The following IQCM variants were observed in gnomAD, a reference collection of about 807,000 sequenced individuals.
The protein encoded by IQCM is IQ domain-containing protein M.
In IQCM, 45 loss-of-function variants were observed where a neutral mutation model predicts 57.6. That is an observed-to-expected ratio of 0.78 (90% CI 0.62 to 1.00). The LOEUF is 1.00. Among genes scored for constraint, IQCM ranks in the 50% least tolerant of loss-of-function variants. The pLI, the probability that IQCM is intolerant of heterozygous loss-of-function variation, is 0.00. For missense variants in IQCM, 468 were observed against 511.6 expected (o/e 0.91, Z 0.82); for synonymous variants, 148 against 158.9 (o/e 0.93, Z 0.51).
intron 13 of IQCM, among the ~76,000 whole-genome samples, chr4:149,414,942 T>C (rs1454791485): frequency 6.6e-6 from 1 of 152,038 alleles, no homozygotes; most frequent in Non-Finnish European, 1.5e-5. Context: ...TGAAGAAAAA[T>C]ACTTTGCATC....
At chr4:149,588,925 C>T (rs528081497) in intron 8 of IQCM, among the ~76,000 whole-genome samples, 63 of 151,998 alleles carry the variant, frequency 4.1e-4, no homozygotes, top group South Asian at 2.5e-3. Flanking sequence ...ATAAACCTGG[C>T]ATAATATACC....
At chr4:149,650,421 T>C (rs896135617) in intron 7 of IQCM, among the ~76,000 whole-genome samples, 30 of 140,862 alleles carry the variant, frequency 2.1e-4, no homozygotes, top group African/African-American at 6.7e-4. Flanking sequence ...TTTTTTTTTT[T>C]TGACTCTGTC....
At chr4:149,463,898 G>T (rs1326313117) in intron 12 of IQCM, among the ~76,000 whole-genome samples, 4 of 152,108 alleles carry the variant, frequency 2.6e-5, no homozygotes, top group Non-Finnish European at 5.9e-5. Flanking sequence ...TTATAAAAAT[G>T]TTCAGAAGTA....
chr4:149,728,811 C>T (rs2149877116), intron 5 of IQCM, among the ~76,000 whole-genome samples: 1 of 152,262 alleles, frequency 6.6e-6, no homozygotes, highest in South Asian at 2.1e-4. Context: ...CTTTACAGAA[C>T]ACACCTTTCC....
At chr4:149,614,435 T>C (rs183408896) in intron 8 of IQCM, among the ~76,000 whole-genome samples, 1 of 152,282 alleles carries the variant, frequency 6.6e-6, no homozygotes, top group Non-Finnish European at 1.5e-5. Context: ...TAGCATGCTG[T>C]GCTTTTGCCA....
chr4:149,712,395 G>A (rs1764638594), intron 5 of IQCM, among the ~76,000 whole-genome samples: 1 of 151,784 alleles, frequency 6.6e-6, no homozygotes, highest in South Asian at 2.1e-4. Context: ...ACAGTCTTCT[G>A]ATATAACTCA....
In IQCM at chr4:149,778,146, G is replaced by T. The variant is rs187018046; in HGVS notation, c.-48-35407C>A. ...AATCCCAGCACTTTGGGAGGCCAAG[G>T]CGGGTGGATCACGAGGTCAGGAGAT... On this transcript the variant is annotated intron_variant, in intron 2 of 13. Transcript: ENST00000636793. 4.4e-3 allele frequency among the ~76,000 whole-genome samples: 672 copies of T among 152,346 alleles called. 5 individuals are homozygous for T. The highest frequency in any genetic ancestry group is 0.015 in the African/African-American group (640 of 41,580).
At chr4:149,440,438 C>G (rs1037977722) in intron 12 of IQCM, among the ~76,000 whole-genome samples, 1 of 151,832 alleles carries the variant, frequency 6.6e-6, no homozygotes, top group African/African-American at 2.4e-5. Flanking sequence ...GTATTTTGAG[C>G]TAAACATTGC....
At chr4:149,679,530 G>C (rs987335106) in intron 7 of IQCM, among the ~76,000 whole-genome samples, 1 of 151,562 alleles carries the variant, frequency 6.6e-6, no homozygotes, top group Non-Finnish European at 1.5e-5. Context: ...AAATGGTTCT[G>C]TCATAAAGAG....
intron 7 of IQCM, among the ~76,000 whole-genome samples, chr4:149,645,411 T>C (rs1364322977): frequency 1.3e-5 from 2 of 152,202 alleles, no homozygotes; most frequent in Admixed American, 1.3e-4. Context: ...TTTTTAACTT[T>C]TTAATTGAAA....
intron 12 of IQCM, among the ~76,000 whole-genome samples, chr4:149,528,313 GT>G (rs1746382355): frequency 2.0e-5 from 3 of 152,094 alleles, no homozygotes; most frequent in Non-Finnish European, 4.4e-5. Context: ...AGAATACTCA[GT>G]TGTCTCAACT....
At chr4:149,756,967 G>A (rs1284247834) in intron 2 of IQCM, among the ~76,000 whole-genome samples, 1 of 152,128 alleles carries the variant, frequency 6.6e-6, no homozygotes, top group Admixed American at 6.5e-5. Context: ...AGCTAAATAA[G>A]GCCATAGATG....
intron 13 of IQCM, among the ~76,000 whole-genome samples, chr4:149,369,589 G>A (rs1323603378): frequency 3.9e-5 from 6 of 152,148 alleles, no homozygotes; most frequent in African/African-American, 1.4e-4. Flanking sequence ...TCACAAGCAA[G>A]TGCTTAATTA....
intron 12 of IQCM, among the ~76,000 whole-genome samples, chr4:149,527,976 A>G (rs1487858901): frequency 1.7e-5 from 2 of 117,256 alleles, no homozygotes; most frequent in East Asian, 5.3e-4. Flanking sequence ...TGAGAGATTT[A>G]TCTTGTTTTT....
At chr4:149,801,738 G>A (rs1358326375) in intron 2 of IQCM, among the ~76,000 whole-genome samples, 1 of 151,840 alleles carries the variant, frequency 6.6e-6, no homozygotes, top group Non-Finnish European at 1.5e-5. Context: ...ATTACCAGAG[G>A]CTAAGAAGAG....
intron 12 of IQCM, among the ~76,000 whole-genome samples, chr4:149,499,370 C>T (rs992603236): frequency 2.0e-4 from 31 of 151,918 alleles, no homozygotes; most frequent in Non-Finnish European, 2.9e-5. Flanking sequence ...ATTTAATTTT[C>T]TCAAGAAAAC....
chr4:149,672,689 T>G (rs760450224), intron 7 of IQCM, among the ~76,000 whole-genome samples: 2 of 152,186 alleles, frequency 1.3e-5, no homozygotes, highest in African/African-American at 4.8e-5. Flanking sequence ...TGGAACCAAG[T>G]TGGAAAACAC....
At chr4:149,520,397 G>A (rs72726119) in intron 12 of IQCM, among the ~76,000 whole-genome samples, 23,776 of 151,958 alleles carry the variant, frequency 0.16, 2,220 homozygotes, top group South Asian at 0.33. Flanking sequence ...TGTTGTCCCA[G>A]GGTAATTATT....
intron 9 of IQCM, among the ~76,000 whole-genome samples, chr4:149,581,076 T>C (rs1752134800): frequency 6.6e-6 from 1 of 151,514 alleles, no homozygotes; most frequent in South Asian, 2.1e-4. Context: ...ATGTGTGCCA[T>C]GGTGAAAAAT....
Sources: gnomAD v4.1 joint callset for allele counts (sites outside exome capture counted in the v4.1 genomes callset) on GRCh38, gnomAD v4.1.1 for gene constraint, MANE v1.5 for transcripts, NCBI Gene and HGNC (gene_info 2026-07-23, HGNC 2026-07-21) for gene names.